HDAC9: variants seen among roughly 807,000 people sequenced by gnomAD.
HDAC9 encodes histone deacetylase 9, also known as MEF-2 interacting transcription repressor (MITR) protein.
In HDAC9, 41 loss-of-function variants were observed where a neutral mutation model predicts 139.4. The observed-to-expected ratio is 0.29, with a 90% CI of 0.23 to 0.38. HDAC9 has a LOEUF of 0.38. Among genes scored for constraint, HDAC9 ranks in the 10% least tolerant of loss-of-function variants. The pLI is 1.00. For synonymous variants in HDAC9, 517 were observed against 476.2 expected (o/e 1.09, Z -1.12); for missense variants, 1,147 against 1,297.0 (o/e 0.88, Z 1.78).
At chr7:18,510,978 T>C (rs1801328669) in intron 2 of HDAC9, among the ~76,000 whole-genome samples, 1 of 152,168 alleles carries the variant, frequency 6.6e-6, no homozygotes, top group Admixed American at 6.5e-5. Context: ...TCGTTGATAA[T>C]AGATGTGTGG....
chr7:18,397,252 A>G (rs1296116181), intron 1 of HDAC9, among the ~76,000 whole-genome samples: 1 of 152,112 alleles, frequency 6.6e-6, no homozygotes, highest in Non-Finnish European at 1.5e-5. Flanking sequence ...TTGTTTTTCA[A>G]AGAAAGGAAA....
chr7:18,180,558 T>C (rs888656565), intron 2 of HDAC9, among the ~76,000 whole-genome samples: 1 of 152,112 alleles, frequency 6.6e-6, no homozygotes, highest in Non-Finnish European at 1.5e-5. Flanking sequence ...CAATGGGCTG[T>C]ATAACATGTG....
At chr7:18,249,496 C>T (rs976894092) in intron 2 of HDAC9, among the ~76,000 whole-genome samples, 1 of 91,736 alleles carries the variant, frequency 1.1e-5, no homozygotes, top group Non-Finnish European at 2.0e-5. Context: ...GAGCAAGACT[C>T]TGTCTCAAAA....
intron 1 of HDAC9, among the ~76,000 whole-genome samples, chr7:18,094,610 T>G (rs139651098): frequency 6.6e-6 from 1 of 152,014 alleles, no homozygotes; most frequent in African/African-American, 2.4e-5. Flanking sequence ...TAAAAAAAAT[T>G]ATTTATTGTT....
At chr7:18,450,533 A>C (rs2128101588) in intron 1 of HDAC9, among the ~76,000 whole-genome samples, 1 of 152,256 alleles carries the variant, frequency 6.6e-6, no homozygotes, top group African/African-American at 2.4e-5. Flanking sequence ...AGACACTTTT[A>C]GTAATTTTGC....
At chr7:18,409,512 C>T (rs1230726931) in intron 1 of HDAC9, among the ~76,000 whole-genome samples, 1 of 152,006 alleles carries the variant, frequency 6.6e-6, no homozygotes, top group Non-Finnish European at 1.5e-5. Flanking sequence ...TTTAGAGCAC[C>T]CTCTGCATTC....
chr7:18,702,319 C>A (rs979400911), intron 12 of HDAC9, among the ~76,000 whole-genome samples: 1 of 152,110 alleles, frequency 6.6e-6, no homozygotes, highest in African/African-American at 2.4e-5. Flanking sequence ...CACTTGGGGG[C>A]CGTAAGGAGA....
At chr7:18,983,847 G>A (rs1419109987) in intron 25 of HDAC9, among the ~76,000 whole-genome samples, 2 of 152,112 alleles carry the variant, frequency 1.3e-5, no homozygotes, top group Non-Finnish European at 1.5e-5. Context: ...CCATACTCAT[G>A]TCCACATCAG....
At chr7:18,410,534 T>G (rs957746588) in intron 1 of HDAC9, among the ~76,000 whole-genome samples, 2 of 152,218 alleles carry the variant, frequency 1.3e-5, no homozygotes, top group African/African-American at 4.8e-5. Flanking sequence ...ATACACACAC[T>G]ATTTACATGT....
intron 22 of HDAC9, among the ~76,000 whole-genome samples, chr7:18,935,405 G>T (rs1781560716): frequency 6.6e-6 from 1 of 152,110 alleles, no homozygotes; most frequent in African/African-American, 2.4e-5. Context: ...TTGGGGCATA[G>T]AAAACTTTCT....
At chr7:18,866,209 A>T (rs967422287) in intron 21 of HDAC9, among the ~76,000 whole-genome samples, 1 of 151,314 alleles carries the variant, frequency 6.6e-6, no homozygotes, top group African/African-American at 2.4e-5. Context: ...TATGTGGAAG[A>T]CCCTTCCACT....
intron 1 of HDAC9, among the ~76,000 whole-genome samples, chr7:18,399,378 CA>C (rs1366744057): frequency 1.3e-5 from 2 of 152,166 alleles, no homozygotes; most frequent in East Asian, 3.9e-4. Context: ...ATTTCTGGTA[CA>C]GTAACGAAAA....
chr7:18,560,082 A>AT (rs544054089), intron 2 of HDAC9, among the ~76,000 whole-genome samples: 5 of 152,030 alleles, frequency 3.3e-5, no homozygotes, highest in South Asian at 2.1e-4. Context: ...CCAAGAGGCA[A>AT]TTTTTTTATT....
At chr7:18,276,111 A>G (rs754839570) in intron 2 of HDAC9, among the ~76,000 whole-genome samples, 2 of 152,248 alleles carry the variant, frequency 1.3e-5, no homozygotes, top group African/African-American at 4.8e-5. Flanking sequence ...GAAAGATGCC[A>G]TGGTTCAGTG....
At chr7:18,985,461 G>A (rs1176489773) in intron 25 of HDAC9, among the ~76,000 whole-genome samples, 1 of 152,090 alleles carries the variant, frequency 6.6e-6, no homozygotes, top group East Asian at 1.9e-4. Context: ...TCTTAATCCA[G>A]TCTATCATTG....
chr7:18,874,386 G>T (rs1799162645), intron 21 of HDAC9, 92 bp from the exon 22 acceptor site: 1 of 648,972 alleles, frequency 1.5e-6, no homozygotes, highest in African/African-American at 1.8e-5. Context: ...TTCTTGGGAG[G>T]TTCCTATTGT....
intron 6 of HDAC9, among the ~76,000 whole-genome samples, chr7:18,603,477 G>A (rs1834545911): frequency 6.6e-6 from 1 of 151,848 alleles, no homozygotes. Flanking sequence ...ATGTTTCAGT[G>A]GTTTCTCTAG....
chr7:18,234,042 G>A (rs757515555), intron 2 of HDAC9, among the ~76,000 whole-genome samples: 5 of 152,092 alleles, frequency 3.3e-5, no homozygotes, highest in Non-Finnish European at 7.3e-5. Flanking sequence ...TAATCTGGAC[G>A]TTTTCACCTT....
At chr7:18,862,978 A>G (rs1254674697) in intron 21 of HDAC9, among the ~76,000 whole-genome samples, 1 of 152,188 alleles carries the variant, frequency 6.6e-6, no homozygotes, top group Non-Finnish European at 1.5e-5. Context: ...TTTCTAGATT[A>G]AAAATGAATT....
Sources: gnomAD v4.1 joint callset for allele counts (sites outside exome capture counted in the v4.1 genomes callset) on GRCh38, gnomAD v4.1.1 for gene constraint, MANE v1.5 for transcripts, NCBI Gene and HGNC (gene_info 2026-07-23, HGNC 2026-07-21) for gene names.